Variants in BCAS3 observed in about 807,000 individuals in gnomAD.
The protein encoded by BCAS3 is BCAS4/BCAS3 fusion.
A neutral mutation model predicts 116.1 loss-of-function variants in BCAS3; 53 were observed. The observed-to-expected ratio is 0.46, with a 90% CI of 0.37 to 0.57. BCAS3 has a LOEUF of 0.57. BCAS3 is among the 20% of genes least tolerant of loss of function. The probability of loss-of-function intolerance (pLI) is 0.00; values close to 1 mark genes in which losing one functional copy is unlikely to be tolerated. For missense variants in BCAS3, 917 were observed against 1,165.4 expected, an observed-to-expected ratio of 0.79 and a Z score of 3.10; for synonymous variants, 391 against 408.2, an observed-to-expected ratio of 0.96 and a Z score of 0.51.
intron 22 of BCAS3, among the ~76,000 whole-genome samples, chr17:61,289,140 AACTTTG>A (rs912498725): frequency 7.2e-5 from 11 of 152,240 alleles, no homozygotes; most frequent in African/African-American, 1.4e-4. Flanking sequence ...CATATTCTGG[AACTTTG>A]ACTTTGACCT....
chr17:61,040,431 CAT>C (rs2067410797), intron 18 of BCAS3, among the ~76,000 whole-genome samples: 2 of 152,148 alleles, frequency 1.3e-5, no homozygotes, highest in Admixed American at 6.5e-5. Context: ...AAAATATACA[CAT>C]ATTTTAAGAA....
intron 4 of BCAS3, among the ~76,000 whole-genome samples, chr17:60,698,181 CACAA>C (rs1161671229): frequency 4.2e-5 from 1 of 23,632 alleles, no homozygotes; most frequent in African/African-American, 2.2e-4. Context: ...GACTCCGTCT[CACAA>C]AAAAAAAAAA....
At chr17:60,736,255 G>A (rs111588491) in intron 5 of BCAS3, among the ~76,000 whole-genome samples, 606 of 151,978 alleles carry the variant, frequency 4.0e-3, no homozygotes, top group Admixed American at 7.0e-3. Flanking sequence ...TTTTGTTGAG[G>A]ATTTTCACAT....
chr17:60,738,678 T>C (rs2041221062), intron 5 of BCAS3, among the ~76,000 whole-genome samples: 1 of 151,636 alleles, frequency 6.6e-6, no homozygotes, highest in Admixed American at 6.6e-5. Flanking sequence ...ACATATTTAA[T>C]TGATGTTTAA....
At chr17:60,755,871 A>C (rs1011959454) in intron 6 of BCAS3, among the ~76,000 whole-genome samples, 18 of 152,212 alleles carry the variant, frequency 1.2e-4, no homozygotes, top group African/African-American at 4.1e-4. Flanking sequence ...CGTGCATAGA[A>C]TGTGTAATGA....
rs187462699 is a variant in BCAS3, at chr17:61,127,591, G to A, written c.2425+43027G>A. Among the ~76,000 whole-genome samples the A allele has an allele frequency of 2.4e-3, 355 of 150,982 alleles. 1 individual carries two copies. Among genetic ancestry groups the A allele is most frequent in the African/African-American group, 8.3e-3 (339 of 41,060 alleles). ...ACATTATCATATTAGACAGTACAAG[G>A]TTTAGAACATTTTTATCATCGTAGA... On this transcript the variant is annotated intron_variant, in intron 22 of 23. Coordinates refer to ENST00000407086, the MANE Select transcript of BCAS3 (RefSeq NM_017679.5).
At chr17:61,039,106 C>G (rs1185566388) in intron 18 of BCAS3, among the ~76,000 whole-genome samples, 1 of 152,196 alleles carries the variant, frequency 6.6e-6, no homozygotes, top group Non-Finnish European at 1.5e-5. Context: ...CCTTATTTTT[C>G]TCCAACCCTT....
rs2144684720 is a variant in BCAS3, at chr17:61,286,123, T to A, written c.2426-82204T>A. Among the ~76,000 whole-genome samples the A allele has an allele frequency of 6.6e-6, 1 of 152,342 alleles. No individual in the cohort carries two copies. The highest frequency in any genetic ancestry group is 1.9e-4 in the East Asian group (1 of 5,182). ...AGTGTGTGAGTGTGAGTCAACAGAC[T>A]GCTACAAAGTAGCTTAAACTCTGCA... On this transcript the variant is annotated intron_variant, in intron 22 of 23. Transcript: ENST00000407086. The surrounding 1 kb of genome is among the most constrained non-coding windows in gnomAD (Gnocchi z 4.8).
At chr17:60,944,876 T>G (rs1341316467) in intron 13 of BCAS3, among the ~76,000 whole-genome samples, 1 of 152,182 alleles carries the variant, frequency 6.6e-6, no homozygotes, top group Admixed American at 6.6e-5. Flanking sequence ...ACAAAAAACC[T>G]ATACATAATG....
At chr17:60,718,667 C>T (rs1665033873) in intron 5 of BCAS3, among the ~76,000 whole-genome samples, 1 of 152,098 alleles carries the variant, frequency 6.6e-6, no homozygotes, top group African/African-American at 2.4e-5. Flanking sequence ...TTTAGCATTA[C>T]CATTTCCCTG....
At chr17:61,252,796 A>G (rs1167585429) in intron 22 of BCAS3, among the ~76,000 whole-genome samples, 5 of 151,770 alleles carry the variant, frequency 3.3e-5, no homozygotes, top group East Asian at 1.9e-4. Context: ...TGCTAAACAC[A>G]CTGGCTTCTA....
rs183456511 is a variant in BCAS3 at position 60,960,578 on chromosome 17, G to A, written c.1221+13226G>A. On this transcript the variant is annotated intron_variant, in intron 14 of 23. Coordinates refer to ENST00000407086, the MANE Select transcript of BCAS3 (RefSeq NM_017679.5). The surrounding 1 kb of genome is among the most constrained non-coding windows in gnomAD (Gnocchi z 4.1). ...GCTTGAGGCACTGCCCTCCTGGACT[G>A]CGGCTTCATTTTCTGGGCCTGTGGC... 7.2e-5 allele frequency among the ~76,000 whole-genome samples: 11 copies of A among 152,276 alleles called. No individual in the cohort carries two copies. The East Asian group carries it at 1.7e-3, about 24-fold the overall frequency.
At chr17:61,250,597 T>C (rs1478465914) in intron 22 of BCAS3, among the ~76,000 whole-genome samples, 1 of 152,208 alleles carries the variant, frequency 6.6e-6, no homozygotes, top group East Asian at 1.9e-4. Flanking sequence ...AAGATGATTA[T>C]CTCTAAAAAG....
chr17:60,771,687 G>A (rs2044724013), intron 6 of BCAS3, among the ~76,000 whole-genome samples: 1 of 152,132 alleles, frequency 6.6e-6, no homozygotes, highest in Non-Finnish European at 1.5e-5. Flanking sequence ...ATCTCCTAAT[G>A]CTATCCCTCC....
rs2082837788 is a variant in BCAS3 at position 61,233,876 on chromosome 17, C to T, written c.2426-134451C>T. Reference sequence around the variant, plus strand: ...CTGGCTTCAGTTCTGGCCCCTGAGGCTCTTTCCTGTCTAGTTGAGCTTTCT... The same window carrying T: ...CTGGCTTCAGTTCTGGCCCCTGAGGTTCTTTCCTGTCTAGTTGAGCTTTCT... On this transcript the variant is annotated intron_variant, in intron 22 of 23. Transcript: ENST00000407086. The surrounding 1 kb of genome is among the most constrained non-coding windows in gnomAD (Gnocchi z 4.3). Among the ~76,000 whole-genome samples, 1 of 152,260 alleles carries T rather than the reference C, an allele frequency of 6.6e-6. No homozygotes were observed. The highest frequency in any genetic ancestry group is 2.4e-5 in the African/African-American group (1 of 41,554).
intron 22 of BCAS3, among the ~76,000 whole-genome samples, chr17:61,273,764 C>G (rs940090511): frequency 1.3e-5 from 2 of 148,926 alleles, no homozygotes; most frequent in African/African-American, 5.0e-5. Context: ...TTCTTTTTCT[C>G]TGTACTACAG....
rs948051930 is a variant in BCAS3, at chr17:61,124,927, A to T, written c.2425+40363A>T. Among the ~76,000 whole-genome samples the T allele has an allele frequency of 6.6e-6, 1 of 152,210 alleles. No individual in the cohort carries two copies. Among genetic ancestry groups the T allele is most frequent in the African/African-American group, 2.4e-5 (1 of 41,450 alleles). On this transcript the variant is annotated intron_variant, in intron 22 of 23. Transcript: ENST00000407086. The surrounding 1 kb of genome is among the most constrained non-coding windows in gnomAD (Gnocchi z 4.6). ...GGCTTCCTGGAAATAGATACAGGTG[A>T]CAATGGCAAAGTGAGGAGTGGGGAG...
chr17:60,891,935 G>T (rs1211714512), intron 10 of BCAS3, among the ~76,000 whole-genome samples: 7 of 152,114 alleles, frequency 4.6e-5, no homozygotes, highest in Non-Finnish European at 1.0e-4. Flanking sequence ...TTCACTTAAG[G>T]TAATGGCCTC....
chr17:60,949,595 A>G (rs920319710), intron 14 of BCAS3, among the ~76,000 whole-genome samples: 3 of 152,150 alleles, frequency 2.0e-5, no homozygotes, highest in African/African-American at 7.2e-5. Context: ...TTTTATGGGT[A>G]CATAATAGTT....
Sources: gnomAD v4.1 joint callset for allele counts (sites outside exome capture counted in the v4.1 genomes callset) on GRCh38, gnomAD v4.1.1 for gene constraint, Gnocchi (gnomAD v3.1) non-coding constraint, MANE v1.5 for transcripts, NCBI Gene and HGNC (gene_info 2026-07-23, HGNC 2026-07-21) for gene names.